Variants in GRIP1 observed in about 807,000 individuals in gnomAD.
GRIP1 encodes the protein glutamate receptor-interacting protein 1.
A neutral mutation model predicts 129.9 loss-of-function variants in GRIP1; 45 were observed. The observed-to-expected ratio is 0.35, with a 90% CI of 0.27 to 0.44. The LOEUF (loss-of-function observed/expected upper bound fraction) is 0.44. Ranked by LOEUF, GRIP1 falls within the 20% of genes least tolerant of loss-of-function variation. GRIP1 has a pLI of 1.00. For missense variants in GRIP1, 1,196 were observed against 1,396.8 expected, an observed-to-expected ratio of 0.86 and a Z score of 2.29; for synonymous variants, 530 against 520.8, an observed-to-expected ratio of 1.02 and a Z score of -0.24.
Position 66,894,463 on chromosome 12 carries a change from T to A in GRIP1, c.58+174587A>T, listed in dbSNP as rs372129977. ...GTTCCAGACAATTCATAACTTATAG[T>A]TTGATACACTTTTTAATTTTTGCAT... is the stretch of plus-strand genomic sequence containing the variant. On this transcript the variant is annotated intron_variant, in intron 1 of 1. Transcript: ENST00000643019. Among the ~76,000 whole-genome samples the A allele has an allele frequency of 2.6e-5, 4 of 152,310 alleles. No individual in the cohort carries two copies. The East Asian group carries it at 7.7e-4, about 29-fold the overall frequency.
At chr12:66,676,663 T>C (rs569184079) in intron 1 of GRIP1, among the ~76,000 whole-genome samples, 16 of 152,206 alleles carry the variant, frequency 1.1e-4, no homozygotes, top group Non-Finnish European at 2.2e-4. Flanking sequence ...AAGAAATATG[T>C]ATGTTTGGGA....
chr12:66,522,283 G>T (rs2061042118), intron 5 of GRIP1, among the ~76,000 whole-genome samples: 1 of 152,190 alleles, frequency 6.6e-6, no homozygotes, highest in Non-Finnish European at 1.5e-5. Flanking sequence ...CACACGGCCG[G>T]GTACTCCTCT....
At chr12:66,866,698 TG>T (rs1347026865) in intron 1 of GRIP1, among the ~76,000 whole-genome samples, 4 of 152,184 alleles carry the variant, frequency 2.6e-5, no homozygotes, top group Non-Finnish European at 5.9e-5. Context: ...ATGCATTGCA[TG>T]CCTGTATCAA....
At position 67,049,406 on chromosome 12, in the gene GRIP1, T is replaced by C. The variant is rs142810359; in HGVS notation, c.58+19644A>G. ...ATAAAAAAGAATGAGTTCATGTCCT[T>C]TGCAGGGCCATGGATGAAGCTGGAA... is the stretch of plus-strand genomic sequence containing the variant. On this transcript the variant is annotated intron_variant, in intron 1 of 1. Transcript: ENST00000643019. 5.2e-3 allele frequency among the ~76,000 whole-genome samples: 793 copies of C among 152,276 alleles called. 3 individuals are homozygous for C. Among genetic ancestry groups the C allele is most frequent in the Non-Finnish European group, 9.1e-3 (622 of 68,014 alleles).
rs1248179748 is a variant in GRIP1, at chr12:66,498,390, T to C, written c.724+17229A>G. ...AAACAGTTAATTTTAAGAATTATCA[T>C]ATAAACGTTGTGTTAAAGCTGCTCT... On this transcript the variant is annotated intron_variant, in intron 7 of 24. Transcript: ENST00000359742. 1.3e-5 allele frequency among the ~76,000 whole-genome samples: 2 copies of C among 152,226 alleles called. 1 individual carries two copies. The highest frequency in any genetic ancestry group is 4.1e-4 in the South Asian group (2 of 4,822).
chr12:66,838,164 A>G (rs1028968411), intron 1 of GRIP1, among the ~76,000 whole-genome samples: 6 of 147,738 alleles, frequency 4.1e-5, no homozygotes, highest in Non-Finnish European at 9.0e-5. Context: ...CAGCCTGGGC[A>G]GGTGACAGAG....
chr12:66,531,374 TA>T (rs903684215), intron 4 of GRIP1, among the ~76,000 whole-genome samples: 5 of 149,772 alleles, frequency 3.3e-5, no homozygotes, highest in Non-Finnish European at 3.0e-5. Flanking sequence ...AGGCATTGTT[TA>T]AAAAAACTTT....
At chr12:66,908,014 A>G (rs1449984913) in intron 1 of GRIP1, among the ~76,000 whole-genome samples, 1 of 152,166 alleles carries the variant, frequency 6.6e-6, no homozygotes, top group South Asian at 2.1e-4. Context: ...TAATAAAGGT[A>G]TTATTTTTCC....
chr12:66,909,188 G>A (rs1433031606), intron 1 of GRIP1, among the ~76,000 whole-genome samples: 2 of 151,796 alleles, frequency 1.3e-5, no homozygotes, highest in Admixed American at 6.6e-5. Flanking sequence ...ATTTTTCCAC[G>A]TTAGTACATT....
intron 2 of GRIP1, among the ~76,000 whole-genome samples, chr12:66,580,408 T>G (rs1251736688): frequency 6.6e-6 from 1 of 151,000 alleles, no homozygotes; most frequent in African/African-American, 2.4e-5. Context: ...CACATAACAA[T>G]ATTAACTTTA....
chr12:66,502,203 G>A (rs527943464), intron 7 of GRIP1, among the ~76,000 whole-genome samples: 7 of 152,090 alleles, frequency 4.6e-5, no homozygotes, highest in Non-Finnish European at 7.4e-5. Flanking sequence ...CTTATGTTAC[G>A]AGTTAGGAGT....
In GRIP1 at chr12:66,913,429, A is replaced by C. The variant is rs187782153; in HGVS notation, c.58+155621T>G. 8.5e-4 allele frequency among the ~76,000 whole-genome samples: 130 copies of C among 152,304 alleles called. 1 individual carries two copies. Among genetic ancestry groups the C allele is most frequent in the South Asian group, 1.7e-3 (8 of 4,832 alleles). On this transcript the variant is annotated intron_variant, in intron 1 of 1. Coordinates refer to the GRIP1 transcript ENST00000643019. ...TCACAACCTCAGAAAAAAACAAAAC[A>C]ACAACAAAAAAAACCCTCAGTAATG...
chr12:66,735,942 C>T (rs1402011849), intron 1 of GRIP1, among the ~76,000 whole-genome samples: 1 of 152,080 alleles, frequency 6.6e-6, no homozygotes, highest in Non-Finnish European at 1.5e-5. Flanking sequence ...CTTGGGATAT[C>T]ATGCAGCTGA....
chr12:66,981,851 A>T (rs1189772953), intron 1 of GRIP1, among the ~76,000 whole-genome samples: 1 of 152,224 alleles, frequency 6.6e-6, no homozygotes, highest in African/African-American at 2.4e-5. Flanking sequence ...CCTACTGGAA[A>T]AGAAAGTAGT....
chr12:66,877,604 T>C (rs1300850824), intron 1 of GRIP1, among the ~76,000 whole-genome samples: 3 of 152,136 alleles, frequency 2.0e-5, no homozygotes, highest in Non-Finnish European at 4.4e-5. Context: ...CTTAGCATTA[T>C]TGCTCACAGA....
intron 1 of GRIP1, among the ~76,000 whole-genome samples, chr12:66,848,415 T>C (rs891327393): frequency 3.3e-5 from 5 of 152,000 alleles, no homozygotes; most frequent in Non-Finnish European, 5.9e-5. Flanking sequence ...AGACAGAAAA[T>C]AGTCCTATCT....
intron 2 of GRIP1, among the ~76,000 whole-genome samples, chr12:66,571,482 GT>G (rs199664891): frequency 4.7e-5 from 7 of 149,354 alleles, no homozygotes; most frequent in African/African-American, 1.5e-4. Context: ...TACTGCCTTT[GT>G]TTTTTTTTCA....
At chr12:66,691,318 G>A (rs1228465082) in intron 1 of GRIP1, among the ~76,000 whole-genome samples, 3 of 152,182 alleles carry the variant, frequency 2.0e-5, no homozygotes, top group Admixed American at 6.5e-5. Flanking sequence ...GTTTGTTCAA[G>A]TGCTGTGATT....
chr12:66,917,947 AAC>A (rs58387290), intron 1 of GRIP1, among the ~76,000 whole-genome samples: 37,023 of 147,202 alleles, frequency 0.25, 4,806 homozygotes, highest in East Asian at 0.41. Flanking sequence ...GAGATGTATA[AAC>A]ACACACACAC....
Sources: allele counts gnomAD v4.1 joint callset (sites outside exome capture counted in the v4.1 genomes callset), GRCh38; gene constraint gnomAD v4.1.1; transcripts MANE v1.5; gene names NCBI Gene and HGNC (gene_info 2026-07-23, HGNC 2026-07-21).